Variants in ELAPOR2 observed in about 807,000 individuals in gnomAD.
ELAPOR2 encodes endosome-lysosome associated apoptosis and autophagy regulator family member 2.
ELAPOR2 carries 89 observed loss-of-function variants against 120.7 expected under a neutral mutation model. The observed-to-expected ratio is 0.74, with a 90% CI of 0.62 to 0.88. ELAPOR2 has a LOEUF of 0.88. Ranked by LOEUF, ELAPOR2 falls within the 40% of genes least tolerant of loss-of-function variation. The probability of loss-of-function intolerance (pLI) is 0.00; values close to 1 mark genes in which losing one functional copy is unlikely to be tolerated. For missense variants in ELAPOR2, 1,134 were observed against 1,251.6 expected, an observed-to-expected ratio of 0.91 and a Z score of 1.42; for synonymous variants, 444 against 444.9, an observed-to-expected ratio of 1.00 and a Z score of 0.03.
intron 1 of ELAPOR2, among the ~76,000 whole-genome samples, chr7:87,031,864 G>C (rs1043059400): frequency 6.6e-6 from 1 of 152,094 alleles, no homozygotes; most frequent in African/African-American, 2.4e-5. Context: ...GAACAAACTT[G>C]ATACACACCA....
chr7:86,908,692 A>C (rs915162863), intron 16 of ELAPOR2, 149 bp from the exon 17 acceptor site: 7 of 446,604 alleles, frequency 1.6e-5, no homozygotes, highest in Non-Finnish European at 2.7e-5. Context: ...TCATGGTAAA[A>C]ACAAGAAATT....
At chr7:87,059,230 G>T (rs1419763717) in intron 1 of ELAPOR2, 95 bp downstream of exon 1, 42 of 1,233,652 alleles carry the variant, frequency 3.4e-5, no homozygotes, top group Middle Eastern at 4.2e-4. Context: ...AAGGAAAAGG[G>T]GATGGCAAAC....
rs1228816257 is a variant in ELAPOR2 at position 86,965,021 on chromosome 7, C to A, written c.193G>T (p.Asp65Tyr). 1 of 1,551,370 alleles carries A rather than the reference C, an allele frequency of 6.4e-7. No individual in the cohort carries two copies. The highest frequency in any genetic ancestry group is 1.4e-5 in the African/African-American group (1 of 73,004). The part of the protein sequence containing the change: ...SRPLPPCQEK[D>Y]YHFEYTECDS... Reference sequence around the variant, plus strand: ...CATTCCGTATATTCAAAGTGATAATCTTTCTGCAAACAATCACAAAAACAA... The same window carrying A: ...CATTCCGTATATTCAAAGTGATAATATTTCTGCAAACAATCACAAAAACAA... Residue 65 changes from aspartate (D) to tyrosine (Y), a missense_variant, in exon 2 of 22, where the codon GAT becomes TAT. Asp to Tyr is a radical substitution (Grantham distance 160). This residue lies in a region of ELAPOR2 where 280 missense variants were observed against 331.5 expected (regional missense o/e 0.84). Coordinates refer to ENST00000450689, the MANE Select transcript of ELAPOR2 (RefSeq NM_001142749.3).
intron 1 of ELAPOR2, among the ~76,000 whole-genome samples, chr7:87,004,739 C>T (rs1171341521): frequency 6.6e-6 from 1 of 152,154 alleles, no homozygotes; most frequent in Non-Finnish European, 1.5e-5. Context: ...ACAGTGCATT[C>T]TCATCATGAA....
chr7:87,042,471 C>G (rs1216440204), intron 1 of ELAPOR2, among the ~76,000 whole-genome samples: 2 of 151,548 alleles, frequency 1.3e-5, no homozygotes, highest in Non-Finnish European at 2.9e-5. Flanking sequence ...CAAAACCGCT[C>G]AACTACATGG....
At chr7:86,960,623 C>T (rs569248507) in intron 2 of ELAPOR2, among the ~76,000 whole-genome samples, 1 of 152,210 alleles carries the variant, frequency 6.6e-6, no homozygotes, top group African/African-American at 2.4e-5. Context: ...AATTCTCCTA[C>T]TATTATTGTA....
chr7:86,980,380 T>G (rs1024378), intron 1 of ELAPOR2, among the ~76,000 whole-genome samples: 1 of 151,970 alleles, frequency 6.6e-6, no homozygotes, highest in Admixed American at 6.5e-5. Flanking sequence ...AACATACATT[T>G]GAGGCAGTTC....
chr7:86,947,986 T>G, intron 2 of ELAPOR2, 64 bp from the exon 3 acceptor site: 1 of 1,103,832 alleles, frequency 9.1e-7, no homozygotes, highest in Non-Finnish European at 1.3e-6. Context: ...CCCTTCATGC[T>G]GTCACCAGAA....
intron 7 of ELAPOR2, among the ~76,000 whole-genome samples, 194 bp from the exon 8 acceptor site, chr7:86,938,408 G>C (rs1374645623): frequency 1.3e-5 from 2 of 152,020 alleles, no homozygotes; most frequent in Non-Finnish European, 2.9e-5. Context: ...GTGTTTCTAT[G>C]ATACACATGG....
intron 1 of ELAPOR2, among the ~76,000 whole-genome samples, chr7:86,969,578 C>A (rs1449858310): frequency 1.3e-5 from 2 of 151,856 alleles, no homozygotes; most frequent in Non-Finnish European, 2.9e-5. Context: ...AAAACATAGT[C>A]CCTGTACTCA....
chr7:87,053,276 C>G (rs1168076470), intron 1 of ELAPOR2, among the ~76,000 whole-genome samples: 1 of 152,164 alleles, frequency 6.6e-6, no homozygotes, highest in Non-Finnish European at 1.5e-5. Context: ...ATATGTCTTA[C>G]TCATTTTTAA....
At chr7:86,984,726 G>A (rs1315922761) in intron 1 of ELAPOR2, among the ~76,000 whole-genome samples, 5 of 152,124 alleles carry the variant, frequency 3.3e-5, no homozygotes, top group African/African-American at 1.2e-4. Flanking sequence ...GCCCATAAGA[G>A]AAAGCATGAA....
At chr7:86,918,394 G>A in intron 12 of ELAPOR2, 48 bp downstream of exon 12, 1 of 891,292 alleles carries the variant, frequency 1.1e-6, no homozygotes, top group Non-Finnish European at 1.7e-6. Context: ...ACTTGAAGGA[G>A]AATGCTAAGC....
chr7:86,950,516 TATTCCCCGGTG>T lies in ELAPOR2; in HGVS notation c.311-2605_311-2595del, dbSNP rs1791201149. On this transcript the variant is annotated intron_variant, in intron 2 of 21. Transcript: ENST00000450689. Reference sequence around the variant, plus strand: ...GTCTCCAAGCTTCTGGGTGCCACCATATTCCCCGGTGCCAGCACAGAAGCTGCTTGTGGCAT... The same window carrying T: ...GTCTCCAAGCTTCTGGGTGCCACCATCCAGCACAGAAGCTGCTTGTGGCAT... Among the ~76,000 whole-genome samples the T allele has an allele frequency of 2.6e-5, 4 of 152,118 alleles. 1 individual carries two copies. In the South Asian group the frequency reaches 8.3e-4, roughly 32 times the overall value.
At chr7:86,971,303 C>T (rs1038589291) in intron 1 of ELAPOR2, among the ~76,000 whole-genome samples, 2 of 152,116 alleles carry the variant, frequency 1.3e-5, no homozygotes, top group Non-Finnish European at 2.9e-5. Context: ...GAGAAACCAA[C>T]CACATTCTGT....
chr7:87,048,154 G>A (rs1018642083), intron 1 of ELAPOR2, among the ~76,000 whole-genome samples: 4 of 151,870 alleles, frequency 2.6e-5, no homozygotes, highest in Non-Finnish European at 5.9e-5. Flanking sequence ...TGAGGCAGGA[G>A]AATCGCTTGA....
At chr7:86,933,836 T>C (rs913294436) in intron 8 of ELAPOR2, among the ~76,000 whole-genome samples, 3 of 151,996 alleles carry the variant, frequency 2.0e-5, no homozygotes, top group Non-Finnish European at 4.4e-5. Context: ...CATGTATTTG[T>C]TTCATGACAC....
At chr7:87,018,813 A>C (rs1793948868) in intron 1 of ELAPOR2, among the ~76,000 whole-genome samples, 1 of 152,218 alleles carries the variant, frequency 6.6e-6, no homozygotes, top group East Asian at 1.9e-4. Flanking sequence ...TCCTAAACTT[A>C]GTGTACTAGT....
At chr7:86,991,821 C>A (rs1450516286) in intron 1 of ELAPOR2, among the ~76,000 whole-genome samples, 1 of 151,884 alleles carries the variant, frequency 6.6e-6, no homozygotes, top group East Asian at 1.9e-4. Context: ...GTCAGCAAGA[C>A]AAAATTAACT....
Sources: allele counts gnomAD v4.1 joint callset (sites outside exome capture counted in the v4.1 genomes callset), GRCh38; gene constraint gnomAD v4.1.1; regional missense constraint gnomAD v4.1.1; transcripts MANE v1.5; gene names NCBI Gene and HGNC (gene_info 2026-07-23, HGNC 2026-07-21).